RABGAP1L: variants seen among roughly 807,000 people sequenced by gnomAD.
RABGAP1L encodes RAB GTPase activating protein 1 like, also known as rab GTPase-activating protein 1-like.
A neutral mutation model predicts 137.7 loss-of-function variants in RABGAP1L; 63 were observed. The ratio of observed to expected loss-of-function variants is 0.46; its 90% CI spans 0.37 to 0.56. The LOEUF is 0.56. Ranked by LOEUF, RABGAP1L falls within the 20% of genes least tolerant of loss-of-function variation. The pLI is 0.00. For synonymous variants in RABGAP1L, 431 were observed against 433.7 expected (o/e 0.99, Z 0.08); for missense variants, 1,095 against 1,244.0 (o/e 0.88, Z 1.80).
intron 17 of RABGAP1L, among the ~76,000 whole-genome samples, chr1:174,706,017 T>C (rs2148536541): frequency 6.6e-6 from 1 of 152,318 alleles, no homozygotes; most frequent in African/African-American, 2.4e-5. Context: ...TTTTACATTC[T>C]GATTTTTAAC....
At chr1:174,961,061 CAGAA>C (rs1669047092) in intron 20 of RABGAP1L, among the ~76,000 whole-genome samples, 1 of 152,178 alleles carries the variant, frequency 6.6e-6, no homozygotes, top group Non-Finnish European at 1.5e-5. Flanking sequence ...TTCCAAGAGA[CAGAA>C]AGGAAACTTT....
chr1:174,769,869 A>G (rs1285487185), intron 18 of RABGAP1L, among the ~76,000 whole-genome samples: 1 of 152,156 alleles, frequency 6.6e-6, no homozygotes, highest in Non-Finnish European at 1.5e-5. Flanking sequence ...AAAAGAAAGA[A>G]AAGCAAAAGA....
intron 15 of RABGAP1L, among the ~76,000 whole-genome samples, chr1:174,697,267 A>G (rs1679327392): frequency 6.6e-6 from 1 of 152,232 alleles, no homozygotes; most frequent in Non-Finnish European, 1.5e-5. Context: ...TTACTTAGAA[A>G]GAGAGAGACT....
At chr1:174,450,807 T>G (rs1655352729) in intron 13 of RABGAP1L, among the ~76,000 whole-genome samples, 1 of 152,182 alleles carries the variant, frequency 6.6e-6, no homozygotes, top group Non-Finnish European at 1.5e-5. Flanking sequence ...TACTGAGTAT[T>G]TTTCTTCTCA....
At chr1:174,918,600 T>C (rs1334894296) in intron 19 of RABGAP1L, among the ~76,000 whole-genome samples, 1 of 151,920 alleles carries the variant, frequency 6.6e-6, no homozygotes, top group East Asian at 1.9e-4. Context: ...CTGGGCAACA[T>C]AGTGAAACCT....
intron 23 of RABGAP1L, among the ~76,000 whole-genome samples, chr1:174,981,550 C>CTT (rs10556099): frequency 0.015 from 994 of 66,424 alleles, 133 homozygotes; most frequent in African/African-American, 0.044. Flanking sequence ...GTTTTTCCAT[C>CTT]TTTTTTTTTT....
chr1:174,549,252 A>C (rs1280765384), intron 13 of RABGAP1L, among the ~76,000 whole-genome samples: 3 of 152,226 alleles, frequency 2.0e-5, no homozygotes, highest in African/African-American at 7.2e-5. Context: ...AGTAGATCTC[A>C]AAAGGAGATA....
chr1:174,248,260 A>C (rs1214895945), intron 5 of RABGAP1L, among the ~76,000 whole-genome samples: 1 of 152,222 alleles, frequency 6.6e-6, no homozygotes, highest in Non-Finnish European at 1.5e-5. Context: ...TTGCTGGAGT[A>C]CAGGCTGTAT....
chr1:174,840,935 G>A (rs2987872), intron 19 of RABGAP1L, among the ~76,000 whole-genome samples: 98,197 of 151,888 alleles, frequency 0.65, 34,239 homozygotes, highest in East Asian at 0.93. Context: ...TATCTTTACT[G>A]TCAGACAAGA....
At chr1:174,723,471 G>A (rs926673809) in intron 17 of RABGAP1L, among the ~76,000 whole-genome samples, 1 of 152,166 alleles carries the variant, frequency 6.6e-6, no homozygotes, top group Non-Finnish European at 1.5e-5. Flanking sequence ...AGATAAGGTC[G>A]TAAGAACAGG....
intron 19 of RABGAP1L, among the ~76,000 whole-genome samples, chr1:174,875,247 A>G (rs1652887116): frequency 6.6e-6 from 1 of 152,228 alleles, no homozygotes; most frequent in African/African-American, 2.4e-5. Flanking sequence ...TTGCATGCTT[A>G]TAGCCTGATG....
chr1:174,879,944 T>C (rs1050887508), intron 19 of RABGAP1L, among the ~76,000 whole-genome samples: 8 of 151,386 alleles, frequency 5.3e-5, no homozygotes, highest in African/African-American at 1.9e-4. Context: ...ATAACAAAGA[T>C]CAGCCAGGCA....
At chr1:174,571,246 A>G (rs904888051) in intron 13 of RABGAP1L, among the ~76,000 whole-genome samples, 2 of 152,148 alleles carry the variant, frequency 1.3e-5, no homozygotes, top group Non-Finnish European at 2.9e-5. Context: ...GAGAGAGAAT[A>G]GAAGGATAGT....
chr1:174,467,115 C>T (rs1657388527), intron 13 of RABGAP1L, among the ~76,000 whole-genome samples: 2 of 152,116 alleles, frequency 1.3e-5, no homozygotes, highest in East Asian at 1.9e-4. Flanking sequence ...TGCATGTGCA[C>T]ACACACAAAT....
chr1:174,637,840 A>G (rs548720097), intron 14 of RABGAP1L, among the ~76,000 whole-genome samples: 1 of 152,350 alleles, frequency 6.6e-6, no homozygotes, highest in African/African-American at 2.4e-5. Flanking sequence ...TTTTCTGACA[A>G]CAGGCAAGTG....
intron 14 of RABGAP1L, among the ~76,000 whole-genome samples, chr1:174,647,223 G>T (rs1217303529): frequency 2.0e-5 from 3 of 151,954 alleles, no homozygotes. Context: ...TGATTTCCCT[G>T]GCCAGAACTT....
intron 11 of RABGAP1L, among the ~76,000 whole-genome samples, chr1:174,349,744 ACCTC>A (rs1682899149): frequency 9.3e-6 from 1 of 107,390 alleles, no homozygotes. Flanking sequence ...TGACCCCCCC[ACCTC>A]CCTCCCAGAC....
At chr1:174,162,777 G>GTTTTTTTTTTTTTTTT (rs67811794) in intron 1 of RABGAP1L, among the ~76,000 whole-genome samples, 3 of 51,558 alleles carry the variant, frequency 5.8e-5, no homozygotes, top group African/African-American at 8.1e-5. Context: ...TTCTCTTTCT[G>GTTTTTTTTTTTTTTTT]TTTTTTTTTT....
chr1:174,325,352 G>C (rs1297313304), intron 11 of RABGAP1L, among the ~76,000 whole-genome samples: 1 of 152,106 alleles, frequency 6.6e-6, no homozygotes, highest in African/African-American at 2.4e-5. Flanking sequence ...CAATGTGGTT[G>C]GAACAAGATG....
Sources: gnomAD v4.1 joint callset for allele counts (sites outside exome capture counted in the v4.1 genomes callset) on GRCh38, gnomAD v4.1.1 for gene constraint, MANE v1.5 for transcripts, NCBI Gene and HGNC (gene_info 2026-07-23, HGNC 2026-07-21) for gene names.